The following SEMA3A variants were observed in gnomAD, a reference collection of about 807,000 sequenced individuals.
SEMA3A encodes semaphorin-3A.
Under a neutral mutation model 97.9 loss-of-function variants are expected in SEMA3A, and 29 were observed. The ratio of observed to expected loss-of-function variants is 0.30; its 90% CI spans 0.22 to 0.40. The LOEUF (loss-of-function observed/expected upper bound fraction) is 0.40. Ranked by LOEUF, SEMA3A falls within the 10% of genes least tolerant of loss-of-function variation. The probability of loss-of-function intolerance (pLI) is 1.00; values close to 1 mark genes in which losing one functional copy is unlikely to be tolerated. For missense variants in SEMA3A, 763 were observed against 951.3 expected (o/e 0.80, Z 2.60); for synonymous variants, 321 against 323.7 (o/e 0.99, Z 0.09).
intron 1 of SEMA3A, among the ~76,000 whole-genome samples, chr7:84,434,343 T>C (rs1351717378): frequency 1.3e-5 from 2 of 152,072 alleles, no homozygotes; most frequent in Non-Finnish European, 2.9e-5. Flanking sequence ...TAGACCAATA[T>C]TGAGTTCCAA....
intron 15 of SEMA3A, among the ~76,000 whole-genome samples, chr7:83,972,819 T>C (rs936294908): frequency 1.3e-5 from 2 of 152,172 alleles, no homozygotes; most frequent in Non-Finnish European, 2.9e-5. Context: ...CCTCTTCTTA[T>C]TCATGTTATC....
intron 3 of SEMA3A, among the ~76,000 whole-genome samples, chr7:84,256,708 T>C (rs937156494): frequency 1.3e-5 from 2 of 152,070 alleles, no homozygotes; most frequent in African/African-American, 4.8e-5. Context: ...CTTTATCCCC[T>C]TTAGTCACAA....
At chr7:84,044,717 T>C (rs775972152) in intron 6 of SEMA3A, among the ~76,000 whole-genome samples, 3 of 151,970 alleles carry the variant, frequency 2.0e-5, no homozygotes, top group Non-Finnish European at 2.9e-5. Flanking sequence ...AGGAAACAAG[T>C]CCTAACCAGG....
intron 13 of SEMA3A, among the ~76,000 whole-genome samples, chr7:83,982,913 T>C (rs1242213148): frequency 6.6e-6 from 1 of 151,938 alleles, no homozygotes; most frequent in African/African-American, 2.4e-5. Flanking sequence ...AACTAACTTA[T>C]ACCTTATTAC....
intron 3 of SEMA3A, among the ~76,000 whole-genome samples, chr7:84,206,937 T>C (rs1228995995): frequency 1.3e-5 from 2 of 152,194 alleles, no homozygotes; most frequent in African/African-American, 4.8e-5. Flanking sequence ...ATCTCTACTT[T>C]GATTACCCAC....
intron 1 of SEMA3A, among the ~76,000 whole-genome samples, chr7:84,381,161 A>G (rs981915022): frequency 8.5e-5 from 13 of 152,086 alleles, no homozygotes; most frequent in African/African-American, 2.4e-5. Context: ...TACACTTTAT[A>G]TTAAGCTAAA....
chr7:84,367,743 T>C (rs754888119), intron 2 of SEMA3A, among the ~76,000 whole-genome samples: 3 of 150,800 alleles, frequency 2.0e-5, no homozygotes, highest in African/African-American at 4.9e-5. Context: ...CCTATATATA[T>C]AGGTAGAGGC....
At chr7:84,265,781 C>G (rs1799981677) in intron 3 of SEMA3A, among the ~76,000 whole-genome samples, 1 of 151,800 alleles carries the variant, frequency 6.6e-6, no homozygotes, top group Non-Finnish European at 1.5e-5. Context: ...CACTGTCCCC[C>G]ACAATTCTGA....
At chr7:84,292,117 C>T (rs1218142989) in intron 3 of SEMA3A, among the ~76,000 whole-genome samples, 1 of 152,112 alleles carries the variant, frequency 6.6e-6, no homozygotes, top group Admixed American at 6.6e-5. Flanking sequence ...GCTTATCTAC[C>T]TCTAACCACT....
chr7:84,421,594 T>C (rs879732578), intron 1 of SEMA3A, among the ~76,000 whole-genome samples: 5 of 152,094 alleles, frequency 3.3e-5, no homozygotes, highest in Non-Finnish European at 5.9e-5. Context: ...TGTCTTGTGC[T>C]GGGTTTCAAA....
chr7:84,129,722 CTT>C (rs201159526), intron 2 of SEMA3A, among the ~76,000 whole-genome samples: 6 of 133,736 alleles, frequency 4.5e-5, no homozygotes, highest in African/African-American at 5.4e-5. Flanking sequence ...CTCCTCTTGA[CTT>C]TTTTTTTTTT....
intron 3 of SEMA3A, among the ~76,000 whole-genome samples, chr7:84,237,331 T>C (rs1464740724): frequency 6.6e-6 from 1 of 152,152 alleles, no homozygotes; most frequent in Non-Finnish European, 1.5e-5. Flanking sequence ...AATTTCATTA[T>C]TAAGCAATTA....
At chr7:84,473,360 CTTTATA>C (rs1447415831) in intron 1 of SEMA3A, among the ~76,000 whole-genome samples, 1 of 148,640 alleles carries the variant, frequency 6.7e-6, no homozygotes, top group Admixed American at 6.7e-5. Context: ...ATCTTATATA[CTTTATA>C]TTTTTGTATT....
At chr7:84,028,791 T>TTTTTC (rs1562983116) in intron 6 of SEMA3A, among the ~76,000 whole-genome samples, 69 of 151,972 alleles carry the variant, frequency 4.5e-4, no homozygotes, top group African/African-American at 1.6e-3. Flanking sequence ...TTATTTTTTT[T>TTTTTC]TGTATTTTTA....
chr7:84,296,454 A>G (rs1307437088), intron 3 of SEMA3A, among the ~76,000 whole-genome samples: 6 of 152,174 alleles, frequency 3.9e-5, no homozygotes, highest in African/African-American at 1.4e-4. Flanking sequence ...AAAAATTTAA[A>G]TTCCTCATTC....
At chr7:84,327,603 T>C (rs549390992) in intron 2 of SEMA3A, among the ~76,000 whole-genome samples, 4 of 152,136 alleles carry the variant, frequency 2.6e-5, no homozygotes, top group Non-Finnish European at 5.9e-5. Flanking sequence ...CTCAGGATAT[T>C]GTATATGAGA....
chr7:84,490,030 C>T (rs556430252), intron 1 of SEMA3A, among the ~76,000 whole-genome samples: 1 of 151,560 alleles, frequency 6.6e-6, no homozygotes, highest in Admixed American at 6.6e-5. Flanking sequence ...ATAGATAAAG[C>T]CACAGGGACA....
chr7:84,104,654 T>C (rs2115914741), intron 4 of SEMA3A, among the ~76,000 whole-genome samples: 1 of 152,264 alleles, frequency 6.6e-6, no homozygotes, highest in South Asian at 2.1e-4. Flanking sequence ...TTTTTTATTG[T>C]TTCAAAGTAT....
chr7:84,029,413 T>G (rs1348563331), intron 6 of SEMA3A, among the ~76,000 whole-genome samples: 3 of 152,318 alleles, frequency 2.0e-5, no homozygotes, highest in Admixed American at 2.0e-4. Context: ...ATTTAGAGAT[T>G]TGTATTTTAT....
Sources: gnomAD v4.1 joint callset for allele counts (sites outside exome capture counted in the v4.1 genomes callset) on GRCh38, gnomAD v4.1.1 for gene constraint, MANE v1.5 for transcripts, NCBI Gene and HGNC (gene_info 2026-07-23, HGNC 2026-07-21) for gene names.